MNAT1: variants seen among roughly 807,000 people sequenced by gnomAD.
MNAT1 encodes CDK-activating kinase assembly factor MAT1.
In MNAT1, 43 loss-of-function variants were observed where a neutral mutation model predicts 42.0. The ratio of observed to expected loss-of-function variants is 1.02; its 90% confidence interval spans 0.80 to 1.32. The LOEUF (loss-of-function observed/expected upper bound fraction) is 1.32, where lower values mean the gene tolerates loss of function less well. Ranked by LOEUF, MNAT1 falls within the 40% of genes most tolerant of loss-of-function variation. MNAT1 has a pLI of 0.00. For synonymous variants in MNAT1, 118 were observed against 120.0 expected (o/e 0.98, Z 0.11); for missense variants, 306 against 350.4 (o/e 0.87, Z 1.01).
intron 7 of MNAT1, among the ~76,000 whole-genome samples, chr14:60,912,582 G>A (rs981082880): frequency 2.0e-5 from 3 of 152,098 alleles, no homozygotes; most frequent in Non-Finnish European, 2.9e-5. Flanking sequence ...CACTTATGAA[G>A]CTTAGTTTGG....
At chr14:60,785,765 G>A (rs2140317959) in intron 1 of MNAT1, among the ~76,000 whole-genome samples, 1 of 152,246 alleles carries the variant, frequency 6.6e-6, no homozygotes, top group South Asian at 2.1e-4. Context: ...TCAAACATTT[G>A]AGGGTTCAGC....
At chr14:60,876,078 A>G (rs1305983362) in intron 6 of MNAT1, among the ~76,000 whole-genome samples, 1 of 152,014 alleles carries the variant, frequency 6.6e-6, no homozygotes, top group African/African-American at 2.4e-5. Flanking sequence ...TTTTTATCAA[A>G]TGGCAGGAGA....
rs2036738862 is a variant in MNAT1 at position 60,969,298 on chromosome 14, G to T, written c.*949G>T. 6.6e-6 allele frequency: 1 copy of T among 152,044 alleles called. No individual in the cohort carries two copies. The highest frequency in any genetic ancestry group is 1.5e-5 in the Non-Finnish European group (1 of 67,978). The allele number at this position is 152,044 out of a possible 1,614,324, so 9.4% of individuals were successfully genotyped here. ...TCTGTTACATAGAGCATTGGATATG[G>T]GATATAGTTTCTTAAGGAAATTAAG... On this transcript the variant is annotated 3_prime_UTR_variant, in exon 8 of 8. Coordinates refer to ENST00000261245, the MANE Select transcript of MNAT1 (RefSeq NM_002431.4).
chr14:60,743,552 G>A (rs1021972501), intron 1 of MNAT1, among the ~76,000 whole-genome samples: 2 of 152,222 alleles, frequency 1.3e-5, no homozygotes, highest in Non-Finnish European at 1.5e-5. Context: ...GCCTCTCAAA[G>A]TGCTGAGATT....
chr14:60,798,118 CT>C lies in MNAT1; in HGVS notation c.275del (p.Leu92GlnfsTer18). Reference sequence around the variant, plus strand: ...TAAAAGGGAAGAAGATTTTCCTAGTCTAAGAGAATACAATGATTTCTTGGAA... The same window carrying C: ...TAAAAGGGAAGAAGATTTTCCTAGTCAAGAGAATACAATGATTTCTTGGAA... ...YNKREEDFPS[L>X]REYNDFLEEV... On this transcript the variant is annotated frameshift_variant, in exon 3 of 8. Transcript: ENST00000261245. LOFTEE classifies it high-confidence loss of function. The C allele has an allele frequency of 6.6e-7, 1 of 1,518,912 alleles. No individual in the cohort carries two copies. Among genetic ancestry groups the C allele is most frequent in the Non-Finnish European group, 9.1e-7 (1 of 1,096,968 alleles). 94.1% of individuals were successfully genotyped at this position (1,518,912 alleles called of 1,614,324 possible).
intron 7 of MNAT1, among the ~76,000 whole-genome samples, chr14:60,956,882 G>GTGTCC (rs2036496714): frequency 6.6e-6 from 1 of 152,034 alleles, no homozygotes; most frequent in African/African-American, 2.4e-5. Context: ...GTCCTTAAAT[G>GTGTCC]TGAAGTGAGT....
chr14:60,827,265 G>A (rs1230096468), intron 6 of MNAT1, among the ~76,000 whole-genome samples: 5 of 152,114 alleles, frequency 3.3e-5, no homozygotes. Flanking sequence ...TTAACAAAGG[G>A]GAAAACTTTT....
chr14:60,761,971 C>T (rs571550457), intron 1 of MNAT1, among the ~76,000 whole-genome samples: 8 of 152,324 alleles, frequency 5.3e-5, no homozygotes, highest in African/African-American at 1.7e-4. Context: ...ATCAAACTAT[C>T]TAGATCTGTG....
At chr14:60,898,083 A>C (rs911160624) in intron 7 of MNAT1, among the ~76,000 whole-genome samples, 1 of 143,758 alleles carries the variant, frequency 7.0e-6, no homozygotes, top group South Asian at 2.3e-4. Flanking sequence ...TGAATGGCTA[A>C]ATAGTAATAC....
rs578087447 is a variant in MNAT1, at chr14:60,812,355, A to T, written c.561+228A>T. ...TATGCTCACAATTCTGTGGGTTAGG[A>T]ATTTAAGTGGTTCTTTTGGGCTTTT... On this transcript the variant is annotated intron_variant, in intron 5 of 7. Coordinates refer to ENST00000261245, the MANE Select transcript of MNAT1 (RefSeq NM_002431.4). Among the ~76,000 whole-genome samples the T allele has an allele frequency of 2.0e-5, 3 of 152,288 alleles. No individual in the cohort carries two copies. In the East Asian group the frequency reaches 5.8e-4, roughly 29 times the overall value.
intron 7 of MNAT1, among the ~76,000 whole-genome samples, chr14:60,906,711 A>G (rs1205277833): frequency 2.6e-5 from 4 of 152,230 alleles, no homozygotes; most frequent in Non-Finnish European, 4.4e-5. Context: ...TTAAAATAAT[A>G]AAACTGAATA....
chr14:60,866,628 T>C (rs1337011463), intron 6 of MNAT1, among the ~76,000 whole-genome samples: 1 of 152,096 alleles, frequency 6.6e-6, no homozygotes, highest in Non-Finnish European at 1.5e-5. Context: ...GACTCATGCC[T>C]TTCTCAAAAG....
At chr14:60,758,624 C>CA (rs1383569574) in intron 1 of MNAT1, among the ~76,000 whole-genome samples, 2 of 151,776 alleles carry the variant, frequency 1.3e-5, no homozygotes, top group Non-Finnish European at 2.9e-5. Context: ...ATTCAGAAAA[C>CA]AAAACAAAAA....
At chr14:60,889,328 C>G (rs2034772890) in intron 7 of MNAT1, among the ~76,000 whole-genome samples, 1 of 152,064 alleles carries the variant, frequency 6.6e-6, no homozygotes, top group Admixed American at 6.6e-5. Context: ...TTTGACAAAC[C>G]TGAGAAAAAC....
chr14:60,750,529 C>CT (rs775053270), intron 1 of MNAT1, among the ~76,000 whole-genome samples: 5,725 of 89,536 alleles, frequency 0.064, 150 homozygotes, highest in African/African-American at 0.14. Flanking sequence ...TGCGCCCAGC[C>CT]TTTTTTTTTT....
At chr14:60,957,314 T>C (rs2036504196) in intron 7 of MNAT1, among the ~76,000 whole-genome samples, 1 of 152,198 alleles carries the variant, frequency 6.6e-6, no homozygotes, top group South Asian at 2.1e-4. Flanking sequence ...ACTGGGTAAT[T>C]TATAAAGGAA....
chr14:60,830,709 A>G (rs2033188249), intron 6 of MNAT1, among the ~76,000 whole-genome samples: 1 of 151,686 alleles, frequency 6.6e-6, no homozygotes, highest in Middle Eastern at 3.4e-3. Context: ...AGGAAATAAT[A>G]TTAGGTTTTT....
intron 7 of MNAT1, among the ~76,000 whole-genome samples, chr14:60,958,086 C>G (rs1457231136): frequency 6.6e-6 from 1 of 152,178 alleles, no homozygotes; most frequent in Non-Finnish European, 1.5e-5. Flanking sequence ...ATCTGCCCGC[C>G]TCACCCTCCC....
chr14:60,739,109 T>A (rs910171171), intron 1 of MNAT1, among the ~76,000 whole-genome samples: 2 of 152,056 alleles, frequency 1.3e-5, no homozygotes, highest in Non-Finnish European at 2.9e-5. Context: ...CATGGACTCT[T>A]CCATAGGGCT....
Sources: allele counts gnomAD v4.1 joint callset (sites outside exome capture counted in the v4.1 genomes callset), GRCh38; gene constraint gnomAD v4.1.1; transcripts MANE v1.5; gene names NCBI Gene and HGNC (gene_info 2026-07-23, HGNC 2026-07-21).